Variants in OR4K13 observed in about 807,000 individuals in gnomAD.
OR4K13 encodes the protein olfactory receptor 4K13.
For synonymous variants in OR4K13, 160 were observed against 134.8 expected, an observed-to-expected ratio of 1.19 and a Z score of -1.30; for missense variants, 403 against 366.0, an observed-to-expected ratio of 1.10 and a Z score of -0.82.
rs1181949447 is a variant in OR4K13 at position 20,030,430 on chromosome 14, A to G, written c.*3414T>C. 1 of 152,124 alleles carries G rather than the reference A, an allele frequency of 6.6e-6. No individual in the cohort carries two copies. The highest frequency in any genetic ancestry group is 2.4e-5 in the African/African-American group (1 of 41,454). The allele number at this position is 152,124 out of a possible 1,614,324, so 9.4% of individuals were successfully genotyped here. A position where few individuals can be genotyped will look rare whatever the true frequency, so the allele number is the denominator to read the frequency against. The stretch of plus-strand genomic sequence containing the variant: ...CATACACTAAAGAGTCATTTTTTCT[A>G]TATGTAAACTGTACTTGAAAAATGA... On this transcript the variant is annotated 3_prime_UTR_variant, in exon 2 of 2. Coordinates refer to ENST00000641904, the MANE Select transcript of OR4K13 (RefSeq NM_001004714.2).
chr14:20,035,837 A>C (rs1877556100), intron 1 of OR4K13, 101 bp downstream of exon 1: 1 of 152,176 alleles, frequency 6.6e-6, no homozygotes, highest in Non-Finnish European at 1.5e-5. Context: ...TTTTAAAAAA[A>C]TTGCCTCCGT....
rs932070606 is a variant in OR4K13, at chr14:20,031,917, C to A, written c.*1927G>T. ...CAGGTGGGGGATGGCCAGGCTCATG[C>A]CTTTAACAGACCATTCCCCGTTTGG... On this transcript the variant is annotated 3_prime_UTR_variant, in exon 2 of 2. Coordinates refer to ENST00000641904, the MANE Select transcript of OR4K13 (RefSeq NM_001004714.2). 1 of 152,152 alleles carries A rather than the reference C, an allele frequency of 6.6e-6. No homozygotes were observed. The highest frequency in any genetic ancestry group is 1.5e-5 in the Non-Finnish European group (1 of 68,060). 9.4% of individuals were successfully genotyped at this position (152,152 alleles called of 1,614,324 possible).
chr14:20,031,914 A>G lies in OR4K13; in HGVS notation c.*1930T>C, dbSNP rs549495691. 3.9e-5 allele frequency: 6 copies of G among 152,340 alleles called. No homozygotes were observed. The South Asian group carries it at 1.2e-3, about 32-fold the overall frequency. The allele number at this position is 152,340 out of a possible 1,614,324, so 9.4% of individuals were successfully genotyped here. ...AAGCAGGTGGGGGATGGCCAGGCTC[A>G]TGCCTTTAACAGACCATTCCCCGTT... On this transcript the variant is annotated 3_prime_UTR_variant, in exon 2 of 2. Coordinates refer to ENST00000641904, the MANE Select transcript of OR4K13 (RefSeq NM_001004714.2).
chr14:20,034,106 T>TA lies in OR4K13; in HGVS notation c.652dup (p.Tyr218LeufsTer9). ...CCTAACTGAGAATATTATGACTCCA[T>TA]AGGAGACAAGCAAGAGGAGGAAGCA... On this transcript the variant is annotated frameshift_variant, in exon 2 of 2. Coordinates refer to ENST00000641904, the MANE Select transcript of OR4K13 (RefSeq NM_001004714.2). LOFTEE classifies it low-confidence loss of function (END_TRUNC). The TA allele has an allele frequency of 6.2e-7, 1 of 1,613,966 alleles. No homozygotes were observed. Among genetic ancestry groups the TA allele is most frequent in the Non-Finnish European group, 8.5e-7 (1 of 1,179,996 alleles).
chr14:20,035,924 CTGT>C lies in OR4K13; in HGVS notation c.-224+11_-224+13del, dbSNP rs1566531265. 6.6e-6 allele frequency: 1 copy of C among 151,980 alleles called. No individual in the cohort carries two copies. Among genetic ancestry groups the C allele is most frequent in the East Asian group, 1.9e-4 (1 of 5,194 alleles). The allele number at this position is 151,980 out of a possible 1,614,324, so 9.4% of individuals were successfully genotyped here. A position where few individuals can be genotyped will look rare whatever the true frequency, so the allele number is the denominator to read the frequency against. On this transcript the variant is annotated intron_variant, in intron 1 of 1. Coordinates refer to ENST00000641904, the MANE Select transcript of OR4K13 (RefSeq NM_001004714.2). The stretch of plus-strand genomic sequence containing the variant: ...AAGTATTTGTAGTCATCTTTTTGTG[CTGT>C]TATTACTTACAAGACAGGGGAAAAA...
rs74033790 is a variant in OR4K13 at position 20,035,231 on chromosome 14, C to T, written c.-223-250G>A. Among the ~76,000 whole-genome samples the T allele has an allele frequency of 8.6e-3, 1,313 of 151,934 alleles. 16 individuals are homozygous for T. The highest frequency in any genetic ancestry group is 0.03 in the African/African-American group (1,235 of 41,454). ...ATGATTCTGGTGAGTTTTATAGTCA[C>T]AGAATAATATTGAGTTTTATTAATG... On this transcript the variant is annotated intron_variant, in intron 1 of 1. Transcript: ENST00000641904.
chr14:20,034,801 A>G lies in OR4K13; in HGVS notation c.-43T>C. The G allele has an allele frequency of 1.4e-6, 2 of 1,465,946 alleles. No individual in the cohort carries two copies. The highest frequency in any genetic ancestry group is 1.9e-6 in the Non-Finnish European group (2 of 1,080,214). 90.8% of individuals were successfully genotyped at this position (1,465,946 alleles called of 1,614,324 possible). On this transcript the variant is annotated 5_prime_UTR_variant, in exon 2 of 2. Transcript: ENST00000641904. ...ATAATGATCAAAATAAGTGAGAATA[A>G]GGGGTAGGGAAATGATGCATATTGG... is the stretch of plus-strand genomic sequence containing the variant.
chr14:20,034,066 A>C lies in OR4K13; in HGVS notation c.693T>G (p.Ser231Arg), dbSNP rs1196134805. 1.9e-6 allele frequency: 3 copies of C among 1,614,160 alleles called. No individual in the cohort carries two copies. The highest frequency in any genetic ancestry group is 3.3e-5 in the Admixed American group (2 of 60,016). Residue 231 changes from serine (S) to arginine (R), a missense_variant, in exon 2 of 2, where the codon AGT becomes AGG. Transcript: ENST00000641904. ...IIFSVRYRAA[S>R]RSSKAFSTLS... ...GAGTGGAGAAAGCCTTAGAGGATCG[A>C]CTAGCAGCACGGTACCTAACTGAGA...
rs1877476199 is a variant in OR4K13 at position 20,033,633 on chromosome 14, TCTA to T, written c.*208_*210del. ...AGGTGTTTGCTTTTTAACAATTACATCTACTATTTCCTCATATGGAACTTGAAC... is the reference window on the plus strand; with the variant it reads ...AGGTGTTTGCTTTTTAACAATTACATCTATTTCCTCATATGGAACTTGAAC... On this transcript the variant is annotated 3_prime_UTR_variant, in exon 2 of 2. Coordinates refer to ENST00000641904, the MANE Select transcript of OR4K13 (RefSeq NM_001004714.2). 2.6e-6 allele frequency: 1 copy of T among 392,142 alleles called. No individual in the cohort carries two copies. Among genetic ancestry groups the T allele is most frequent in the South Asian group, 3.6e-5 (1 of 27,712 alleles). The allele number at this position is 392,142 out of a possible 1,614,324, so 24.3% of individuals were successfully genotyped here. A position where few individuals can be genotyped will look rare whatever the true frequency, so the allele number is the denominator to read the frequency against.
rs1045825211 is a variant in OR4K13 at position 20,032,012 on chromosome 14, G to A, written c.*1832C>T. The A allele has an allele frequency of 2.2e-4, 33 of 152,366 alleles. No individual in the cohort carries two copies. Among genetic ancestry groups the A allele is most frequent in the African/African-American group, 7.2e-4 (30 of 41,470 alleles). 9.4% of individuals were successfully genotyped at this position (152,366 alleles called of 1,614,324 possible). A position where few individuals can be genotyped will look rare whatever the true frequency, so the allele number is the denominator to read the frequency against. ...GTGGGAATAGTGCAGGAACGTGCAG[G>A]TCTGCGTGTTTTGTTCTGAAGGTTA... On this transcript the variant is annotated 3_prime_UTR_variant, in exon 2 of 2. Coordinates refer to ENST00000641904, the MANE Select transcript of OR4K13 (RefSeq NM_001004714.2).
intron 1 of OR4K13, 24 bp downstream of exon 1, chr14:20,035,914 T>A (rs1254153867): frequency 6.6e-6 from 1 of 152,110 alleles, no homozygotes; most frequent in Non-Finnish European, 1.5e-5. Flanking sequence ...TTTGTAGTCA[T>A]CTTTTTGTGC....
At position 20,033,628 on chromosome 14, in the gene OR4K13, T is replaced by C. The variant is rs2138673261; in HGVS notation, c.*216A>G. 8.1e-6 allele frequency: 3 copies of C among 372,416 alleles called. No individual in the cohort carries two copies. The highest frequency in any genetic ancestry group is 8.8e-5 in the Admixed American group (2 of 22,780). The allele number at this position is 372,416 out of a possible 1,614,324, so 23.1% of individuals were successfully genotyped here. On this transcript the variant is annotated 3_prime_UTR_variant, in exon 2 of 2. Coordinates refer to ENST00000641904, the MANE Select transcript of OR4K13 (RefSeq NM_001004714.2). ...CAAAAAGGTGTTTGCTTTTTAACAA[T>C]TACATCTACTATTTCCTCATATGGA...
At position 20,032,614 on chromosome 14, in the gene OR4K13, C is replaced by T. The variant is rs552628896; in HGVS notation, c.*1230G>A. 1 of 152,298 alleles carries T rather than the reference C, an allele frequency of 6.6e-6. No homozygotes were observed. Among genetic ancestry groups the T allele is most frequent in the Non-Finnish European group, 1.5e-5 (1 of 68,040 alleles). 9.4% of individuals were successfully genotyped at this position (152,298 alleles called of 1,614,324 possible). On this transcript the variant is annotated 3_prime_UTR_variant, in exon 2 of 2. Transcript: ENST00000641904. The stretch of plus-strand genomic sequence containing the variant: ...GACATCTTCTCCCATACCCAGTTGC[C>T]TTAAATTTGCTTTAGCCTTCAAGTC...
In OR4K13 at chr14:20,034,649, C is replaced by T; in HGVS notation, c.110G>A (p.Gly37Glu). 6.2e-7 allele frequency: 1 copy of T among 1,613,504 alleles called. No individual in the cohort carries two copies. The highest frequency in any genetic ancestry group is 8.5e-7 in the Non-Finnish European group (1 of 1,179,812). Residue 37 changes from glycine to glutamate, a missense_variant, in exon 2 of 2, where the codon GGG (glycine) becomes GAG (glutamate). Coordinates refer to ENST00000641904, the MANE Select transcript of OR4K13 (RefSeq NM_001004714.2). ...GATGAGCAGGTTTCCTAACACAATC[C>T]CCACGAAGACCACAGAGAATCCCAA... ...FFLGFSVVFV[G>E]IVLGNLLILV...
At position 20,034,591 on chromosome 14, in the gene OR4K13, G is replaced by A. The variant is rs752613919; in HGVS notation, c.168C>T (p.His56=). Residue 56 remains histidine, a synonymous_variant, in exon 2 of 2, where the codon CAC becomes CAT. Transcript: ENST00000641904. The part of the protein sequence containing the change: ...LVTVTFDSLL[H]TPMYFLLSNL... ...TGCTAAGCAGAAAATACATTGGTGTGTGAAGGAGCGAATCAAAGGTCACAG... is the reference window on the plus strand; with the variant it reads ...TGCTAAGCAGAAAATACATTGGTGTATGAAGGAGCGAATCAAAGGTCACAG... The A allele has an allele frequency of 6.2e-7, 1 of 1,613,998 alleles. No homozygotes were observed. The highest frequency in any genetic ancestry group is 1.1e-5 in the South Asian group (1 of 91,060).
In OR4K13 at chr14:20,035,235, A is replaced by G. The variant is rs554344800; in HGVS notation, c.-223-254T>C. On this transcript the variant is annotated intron_variant, in intron 1 of 1. Transcript: ENST00000641904. ...TTCTGGTGAGTTTTATAGTCACAGA[A>G]TAATATTGAGTTTTATTAATGTGGA... Among the ~76,000 whole-genome samples the G allele has an allele frequency of 2.0e-5, 3 of 152,190 alleles. No homozygotes were observed. In the South Asian group the frequency reaches 6.2e-4, roughly 32 times the overall value.
chr14:20,033,542 G>T lies in OR4K13; in HGVS notation c.*302C>A. ...ATTTGCACCAGAGAAACTGATAAAG[G>T]TGGGATTTAAATGTATACAAGCCAA... On this transcript the variant is annotated 3_prime_UTR_variant, in exon 2 of 2. Coordinates refer to ENST00000641904, the MANE Select transcript of OR4K13 (RefSeq NM_001004714.2). 5.5e-6 allele frequency: 1 copy of T among 183,052 alleles called. No individual in the cohort carries two copies. The highest frequency in any genetic ancestry group is 2.4e-5 in the African/African-American group (1 of 42,390). The allele number at this position is 183,052 out of a possible 1,614,324, so 11.3% of individuals were successfully genotyped here. A position where few individuals can be genotyped will look rare whatever the true frequency, so the allele number is the denominator to read the frequency against.
In OR4K13 at chr14:20,033,885, G is replaced by T. The variant is rs17277025; in HGVS notation, c.874C>A (p.Gln292Lys). The T allele has an allele frequency of 0.082, 128,527 of 1,560,996 alleles. 5,945 individuals are homozygous for T. Among genetic ancestry groups the T allele is most frequent in the South Asian group, 0.14 (12,097 of 88,116 alleles). The change falls in exon 2 of 2, where the codon CAA (glutamine) becomes AAA (lysine). Residue 292 changes from glutamine to lysine, a missense_variant. Physicochemically the swap from Gln to Lys is moderately conservative, Grantham distance 53. Transcript: ENST00000641904. ...LNPIIYTLRN[Q>K]EVKAAIKKRL... ...TTTTTAATGGCTGCTTTTACCTCTT[G>T]ATTTCTTAATGTATAAATAATAGGA...
chr14:20,034,134 C>T lies in OR4K13; in HGVS notation c.625G>A (p.Val209Ile), dbSNP rs904100902. The change falls in exon 2 of 2, where the codon GTC becomes ATC. Residue 209 changes from valine (V) to isoleucine (I), a missense_variant. By Grantham distance (29) the Val-to-Ile change is conservative. Transcript: ENST00000641904. ...VIADSGLLSLVCFLLLLVSYG... is the reference protein window; with the variant it reads ...VIADSGLLSLICFLLLLVSYG... ...GAGACAAGCAAGAGGAGGAAGCAGA[C>T]CAGTGACAGGAGCCCACTGTCAGCA... 13 of 1,614,020 alleles carry T rather than the reference C, an allele frequency of 8.1e-6. No individual in the cohort carries two copies. The Admixed American group carries it at 8.3e-5, about 10-fold the overall frequency.
Sources: allele counts gnomAD v4.1 joint callset (sites outside exome capture counted in the v4.1 genomes callset), GRCh38; gene constraint gnomAD v4.1.1; transcripts MANE v1.5; gene names NCBI Gene and HGNC (gene_info 2026-07-23, HGNC 2026-07-21).